SORCS3: variants seen among roughly 807,000 people sequenced by gnomAD.
SORCS3 encodes the protein sortilin related VPS10 domain containing receptor 3.
Under a neutral mutation model 146.3 loss-of-function variants are expected in SORCS3, and 57 were observed. The ratio of observed to expected loss-of-function variants is 0.39; its 90% confidence interval spans 0.31 to 0.49. SORCS3 has a LOEUF of 0.49. Ranked by LOEUF, SORCS3 falls within the 20% of genes least tolerant of loss-of-function variation. The pLI is 0.92. For missense variants in SORCS3, 1,341 were observed against 1,575.5 expected (o/e 0.85, Z 2.52); for synonymous variants, 653 against 618.5 (o/e 1.06, Z -0.83).
intron 1 of SORCS3, among the ~76,000 whole-genome samples, chr10:104,705,781 T>C (rs1017035108): frequency 2.0e-5 from 3 of 152,152 alleles, no homozygotes; most frequent in African/African-American, 7.2e-5. Flanking sequence ...GGGAGCAACA[T>C]AGATTGAGCT....
intron 1 of SORCS3, among the ~76,000 whole-genome samples, chr10:104,729,732 A>G (rs1589476173): frequency 6.6e-6 from 1 of 152,328 alleles, no homozygotes; most frequent in East Asian, 1.9e-4. Flanking sequence ...GAACTACAGA[A>G]CCTGTCATGA....
At chr10:104,904,973 C>G (rs192848224) in intron 2 of SORCS3, among the ~76,000 whole-genome samples, 1 of 152,262 alleles carries the variant, frequency 6.6e-6, no homozygotes, top group East Asian at 1.9e-4. Context: ...CTAAGAGTCA[C>G]TGTGATAGTT....
intron 1 of SORCS3, among the ~76,000 whole-genome samples, chr10:104,686,601 A>G (rs921143927): frequency 1.3e-5 from 2 of 152,140 alleles, no homozygotes; most frequent in African/African-American, 4.8e-5. Context: ...TGGATTCAGA[A>G]GGCCACACAA....
At chr10:104,724,528 A>G (rs1183788654) in intron 1 of SORCS3, among the ~76,000 whole-genome samples, 126 of 152,032 alleles carry the variant, frequency 8.3e-4, no homozygotes, top group East Asian at 1.9e-3. Context: ...GGCCTGCCTT[A>G]CTAGATTGGG....
intron 1 of SORCS3, among the ~76,000 whole-genome samples, chr10:104,650,691 A>G (rs535709812): frequency 6.6e-6 from 1 of 152,324 alleles, no homozygotes; most frequent in East Asian, 1.9e-4. Flanking sequence ...GTTGAACAGA[A>G]TAAATACTTG....
chr10:105,233,158 A>G (rs968427067), intron 20 of SORCS3, among the ~76,000 whole-genome samples: 1 of 151,954 alleles, frequency 6.6e-6, no homozygotes, highest in South Asian at 2.1e-4. Context: ...AATTTGCTAT[A>G]TACACTTACA....
chr10:105,021,628 A>C (rs897340390), intron 4 of SORCS3, among the ~76,000 whole-genome samples: 13 of 152,322 alleles, frequency 8.5e-5, no homozygotes, highest in Middle Eastern at 3.4e-3. Flanking sequence ...AGATGGGATA[A>C]TTTTGGGTGA....
chr10:104,818,614 C>G (rs1333991358), intron 1 of SORCS3, among the ~76,000 whole-genome samples: 3 of 152,106 alleles, frequency 2.0e-5, no homozygotes, highest in Admixed American at 6.6e-5. Context: ...CTACAGGATC[C>G]CCTGCTTTTC....
At chr10:105,056,661 G>A (rs1313101367) in intron 5 of SORCS3, among the ~76,000 whole-genome samples, 1 of 152,160 alleles carries the variant, frequency 6.6e-6, no homozygotes, top group Non-Finnish European at 1.5e-5. Flanking sequence ...ACTTATGACA[G>A]ATGCAAATCT....
chr10:105,003,370 C>T (rs768191761), intron 4 of SORCS3, among the ~76,000 whole-genome samples: 1 of 152,080 alleles, frequency 6.6e-6, no homozygotes, highest in Non-Finnish European at 1.5e-5. Flanking sequence ...GTGGGAGACA[C>T]AGCCCTTAGC....
chr10:105,233,630 A>G (rs1281200179), intron 20 of SORCS3, among the ~76,000 whole-genome samples: 3 of 151,322 alleles, frequency 2.0e-5, no homozygotes, highest in Non-Finnish European at 1.5e-5. Context: ...TCATTGTTCA[A>G]CTCCCACTTA....
At chr10:104,974,685 G>A (rs925941455) in intron 3 of SORCS3, among the ~76,000 whole-genome samples, 1 of 152,108 alleles carries the variant, frequency 6.6e-6, no homozygotes, top group African/African-American at 2.4e-5. Context: ...GGAGCATTTA[G>A]TCCATTTACA....
intron 7 of SORCS3, among the ~76,000 whole-genome samples, chr10:105,128,199 G>C (rs1467065959): frequency 6.6e-6 from 1 of 152,158 alleles, no homozygotes; most frequent in Non-Finnish European, 1.5e-5. Flanking sequence ...TGCTGGCAGA[G>C]GACAGGAGAG....
intron 5 of SORCS3, among the ~76,000 whole-genome samples, chr10:105,087,281 T>C (rs919449935): frequency 1.3e-5 from 2 of 152,168 alleles, no homozygotes; most frequent in African/African-American, 4.8e-5. Flanking sequence ...TGTTCCATTG[T>C]TCTATATATC....
chr10:104,915,544 C>T (rs1454512102), intron 2 of SORCS3, among the ~76,000 whole-genome samples: 2 of 152,102 alleles, frequency 1.3e-5, no homozygotes, highest in Non-Finnish European at 2.9e-5. Context: ...GGCTGAGCAG[C>T]ATGAGAGTCA....
intron 5 of SORCS3, among the ~76,000 whole-genome samples, chr10:105,057,287 GT>G (rs1003082124): frequency 1.3e-5 from 2 of 151,884 alleles, no homozygotes; most frequent in African/African-American, 2.4e-5. Context: ...TTCTGTATAA[GT>G]TTTTTTTAAT....
intron 3 of SORCS3, among the ~76,000 whole-genome samples, chr10:104,951,356 A>G (rs575344996): frequency 6.6e-6 from 1 of 152,032 alleles, no homozygotes; most frequent in Non-Finnish European, 1.5e-5. Flanking sequence ...TCTTAGGGTC[A>G]GTGTCTTGCT....
intron 1 of SORCS3, among the ~76,000 whole-genome samples, chr10:104,826,848 C>T (rs1305094526): frequency 6.6e-6 from 1 of 152,218 alleles, no homozygotes; most frequent in Non-Finnish European, 1.5e-5. Flanking sequence ...TCAATCTTCT[C>T]AAGCCCTGCC....
chr10:104,727,544 T>C (rs1480948144), intron 1 of SORCS3, among the ~76,000 whole-genome samples: 1 of 107,020 alleles, frequency 9.3e-6, no homozygotes, highest in Non-Finnish European at 2.0e-5. Flanking sequence ...TATGTGTGTG[T>C]GTATATATAT....
Sources: gnomAD v4.1 joint callset for allele counts (sites outside exome capture counted in the v4.1 genomes callset) on GRCh38, gnomAD v4.1.1 for gene constraint, MANE v1.5 for transcripts, NCBI Gene and HGNC (gene_info 2026-07-23, HGNC 2026-07-21) for gene names.